Variants in YIPF7 observed in about 807,000 individuals in gnomAD.
YIPF7 encodes Yip1 domain family member 7.
A neutral mutation model predicts 27.2 loss-of-function variants in YIPF7; 35 were observed. The observed-to-expected ratio is 1.29, with a 90% CI of 0.98 to 1.70. The LOEUF is 1.70. Among genes scored for constraint, YIPF7 ranks in the 40% most tolerant of loss-of-function variants. The pLI is 0.00. For synonymous variants in YIPF7, 137 were observed against 110.4 expected (o/e 1.24, Z -1.51); for missense variants, 358 against 303.7 (o/e 1.18, Z -1.33).
At chr4:44,649,061 A>T (rs1056434072) in intron 2 of YIPF7, among the ~76,000 whole-genome samples, 1 of 152,178 alleles carries the variant, frequency 6.6e-6, no homozygotes, top group Non-Finnish European at 1.5e-5. Flanking sequence ...ATTCTTCAAC[A>T]TAAAATTGCA....
intron 2 of YIPF7, among the ~76,000 whole-genome samples, chr4:44,644,608 GA>G (rs1462777238): frequency 2.0e-5 from 3 of 152,208 alleles, no homozygotes. Context: ...ATCATAGGCA[GA>G]AGGGAGTAGC....
chr4:44,642,494 C>T (rs1713364393), intron 2 of YIPF7, among the ~76,000 whole-genome samples: 1 of 152,030 alleles, frequency 6.6e-6, no homozygotes, highest in Non-Finnish European at 1.5e-5. Context: ...AAAAGCATAA[C>T]CAATACCAAA....
At chr4:44,641,742 G>A (rs1048181309) in intron 2 of YIPF7, among the ~76,000 whole-genome samples, 1 of 152,174 alleles carries the variant, frequency 6.6e-6, no homozygotes, top group Non-Finnish European at 1.5e-5. Context: ...ATAGAGGGGG[G>A]AGATATACAC....
intron 2 of YIPF7, among the ~76,000 whole-genome samples, chr4:44,641,688 C>A: frequency 6.6e-6 from 1 of 152,098 alleles, no homozygotes; most frequent in South Asian, 2.1e-4. Context: ...TGTGAGTAAG[C>A]CTGACCAAGA....
In YIPF7 at chr4:44,622,115, TTTAC is replaced by T. The variant is rs1684998340; in HGVS notation, c.*295_*298del. On this transcript the variant is annotated 3_prime_UTR_variant, in exon 6 of 6. Coordinates refer to ENST00000415895, the MANE Select transcript of YIPF7 (RefSeq NM_182592.3). ...TCCTTTTAGTAAACATATGAGTTTA[TTTAC>T]TTACTTTTCTCAGAAATACCTCTAT... 2 of 283,762 alleles carry T rather than the reference TTTAC, an allele frequency of 7.0e-6. No individual in the cohort carries two copies. Among genetic ancestry groups the T allele is most frequent in the African/African-American group, 4.5e-5 (2 of 44,924 alleles). 17.6% of individuals were successfully genotyped at this position (283,762 alleles called of 1,614,324 possible).
intron 2 of YIPF7, among the ~76,000 whole-genome samples, chr4:44,644,755 C>A (rs751680306): frequency 3.3e-5 from 5 of 151,994 alleles, no homozygotes; most frequent in South Asian, 2.1e-4. Flanking sequence ...TCCAGGGGTA[C>A]AAGGATATGG....
chr4:44,644,869 A>G (rs1713469958), intron 2 of YIPF7, among the ~76,000 whole-genome samples: 1 of 152,084 alleles, frequency 6.6e-6, no homozygotes, highest in Non-Finnish European at 1.5e-5. Flanking sequence ...TTTCTCATAG[A>G]TGGTTTAGCA....
At chr4:44,634,312 C>T (rs1437796246) in intron 3 of YIPF7, among the ~76,000 whole-genome samples, 1 of 152,130 alleles carries the variant, frequency 6.6e-6, no homozygotes, top group Non-Finnish European at 1.5e-5. Flanking sequence ...GCGGGTGGAT[C>T]ACCCAAAGTC....
At chr4:44,660,746 A>C (rs1714026072) in intron 1 of YIPF7, 1 of 152,256 alleles carries the variant, frequency 6.6e-6, no homozygotes, top group South Asian at 2.1e-4. Context: ...GTTACATTGC[A>C]TCTGAGACCA....
intron 3 of YIPF7, among the ~76,000 whole-genome samples, chr4:44,632,245 GAAGAT>G (rs1255708291): frequency 6.6e-6 from 1 of 152,090 alleles, no homozygotes; most frequent in African/African-American, 2.4e-5. Flanking sequence ...CAAAATAAAA[GAAGAT>G]AAAACTGCTG....
chr4:44,648,313 C>T (rs1358127641), intron 2 of YIPF7, among the ~76,000 whole-genome samples: 8 of 151,908 alleles, frequency 5.3e-5, no homozygotes, highest in South Asian at 2.1e-4. Flanking sequence ...ACTAGAAATC[C>T]GAAATGCTCC....
At chr4:44,647,050 C>T (rs1713552055) in intron 2 of YIPF7, among the ~76,000 whole-genome samples, 1 of 152,164 alleles carries the variant, frequency 6.6e-6, no homozygotes, top group African/African-American at 2.4e-5. Context: ...ACTACCACAG[C>T]TACTATGCCC....
intron 2 of YIPF7, among the ~76,000 whole-genome samples, chr4:44,659,973 G>A (rs1713997845): frequency 1.3e-5 from 2 of 151,708 alleles, no homozygotes; most frequent in African/African-American, 4.8e-5. Flanking sequence ...AATTAGCCAG[G>A]AGTGGTGGCG....
intron 3 of YIPF7, 124 bp downstream of exon 3, chr4:44,635,798 T>A (rs767391899): frequency 2.6e-6 from 3 of 1,163,864 alleles, no homozygotes; most frequent in Non-Finnish European, 3.5e-6. Context: ...AGCAAACTCT[T>A]GTTATATGTG....
chr4:44,624,294 C>A (rs1343031209), intron 5 of YIPF7, among the ~76,000 whole-genome samples: 1 of 151,970 alleles, frequency 6.6e-6, no homozygotes, highest in African/African-American at 2.4e-5. Context: ...GAACTCCCGA[C>A]CTCAGGTGAT....
intron 3 of YIPF7, among the ~76,000 whole-genome samples, chr4:44,633,101 T>C (rs947910696): frequency 6.6e-6 from 1 of 152,118 alleles, no homozygotes; most frequent in Non-Finnish European, 1.5e-5. Flanking sequence ...ACGCTTGTTA[T>C]GAGAATCTAA....
chr4:44,652,066 G>C (rs373862135), upstream of YIPF7, among the ~76,000 whole-genome samples: 1 of 152,168 alleles, frequency 6.6e-6, no homozygotes, highest in Non-Finnish European at 1.5e-5. Flanking sequence ...CAATATTTAA[G>C]AAGACTAATT....
intron 2 of YIPF7, among the ~76,000 whole-genome samples, chr4:44,636,956 C>T (rs896218328): frequency 6.6e-6 from 1 of 152,118 alleles, no homozygotes; most frequent in Non-Finnish European, 1.5e-5. Context: ...TCTCTACTTC[C>T]ATGTGTACGT....
rs1297997307 is a variant in YIPF7 at position 44,622,633 on chromosome 4, T to G, written c.609-57A>C. 1.9e-6 allele frequency: 3 copies of G among 1,578,736 alleles called. No individual in the cohort carries two copies. In the East Asian group the frequency reaches 6.7e-5, roughly 36 times the overall value. On this transcript the variant is annotated intron_variant, in intron 5 of 5. Transcript: ENST00000415895. ...GCCAGTAGAAAAGAGATTATTGAGT[T>G]AAAGTTGCCTCTGAAATATCCTTGG...
Sources: allele counts gnomAD v4.1 joint callset (sites outside exome capture counted in the v4.1 genomes callset), GRCh38; gene constraint gnomAD v4.1.1; transcripts MANE v1.5; gene names NCBI Gene and HGNC (gene_info 2026-07-23, HGNC 2026-07-21).